B3GALT1: variants seen among roughly 807,000 people sequenced by gnomAD.
B3GALT1 encodes UDP-Gal:betaGlcNAc beta 1,3-galactosyltransferase, polypeptide 1.
In B3GALT1, 10 loss-of-function variants were observed where a neutral mutation model predicts 23.2. The observed-to-expected ratio is 0.43, with a 90% CI of 0.27 to 0.73. B3GALT1 has a LOEUF of 0.73. Among genes scored for constraint, B3GALT1 ranks in the 30% least tolerant of loss-of-function variants. The probability of loss-of-function intolerance (pLI) is 0.21; values close to 1 mark genes in which losing one functional copy is unlikely to be tolerated. For synonymous variants in B3GALT1, 156 were observed against 141.5 expected (o/e 1.10, Z -0.73); for missense variants, 299 against 405.4 (o/e 0.74, Z 2.25).
chr2:167,450,639 C>G (rs1029091926), intron 1 of B3GALT1, among the ~76,000 whole-genome samples: 2 of 152,166 alleles, frequency 1.3e-5, no homozygotes, highest in Admixed American at 6.5e-5. Flanking sequence ...TTTCCTTCAT[C>G]TTGTCTTTAG....
At chr2:167,727,182 G>A (rs1380594159) in intron 3 of B3GALT1, among the ~76,000 whole-genome samples, 1 of 152,070 alleles carries the variant, frequency 6.6e-6, no homozygotes, top group Non-Finnish European at 1.5e-5. Context: ...GCAAATGATG[G>A]ATTTAACCTT....
intron 3 of B3GALT1, among the ~76,000 whole-genome samples, chr2:167,781,227 G>C (rs954209517): frequency 6.6e-6 from 1 of 152,108 alleles, no homozygotes. Context: ...AATACTCAGA[G>C]TTCTTTAATA....
intron 4 of B3GALT1, among the ~76,000 whole-genome samples, chr2:167,853,276 A>C (rs975588218): frequency 1.3e-5 from 2 of 152,120 alleles, no homozygotes; most frequent in African/African-American, 4.8e-5. Context: ...ATAATTTAAC[A>C]CCTTTGTGTC....
intron 2 of B3GALT1, among the ~76,000 whole-genome samples, chr2:167,602,264 G>C (rs571890716): frequency 6.6e-6 from 1 of 152,178 alleles, no homozygotes; most frequent in African/African-American, 2.4e-5. Flanking sequence ...AGTGTACAGA[G>C]AGCTGCAGCT....
chr2:167,572,065 G>T (rs1316466044), intron 2 of B3GALT1, among the ~76,000 whole-genome samples: 5 of 151,456 alleles, frequency 3.3e-5, no homozygotes, highest in Non-Finnish European at 7.4e-5. Context: ...TCTAAGTCTT[G>T]GCCAACATCA....
In B3GALT1 at chr2:167,629,119, T is replaced by C. The variant is rs1037813457; in HGVS notation, c.-409-17790T>C. On this transcript the variant is annotated intron_variant, in intron 2 of 4. Transcript: ENST00000392690. Reference sequence around the variant, plus strand: ...TGGAGCAGAGGTATGTAATGATTCCTTAGACAGGCAAAATGGCTTTTCAGA... The same window carrying C: ...TGGAGCAGAGGTATGTAATGATTCCCTAGACAGGCAAAATGGCTTTTCAGA... 4.0e-5 allele frequency among the ~76,000 whole-genome samples: 6 copies of C among 151,616 alleles called. No homozygotes were observed. In the Admixed American group the frequency reaches 4.0e-4, roughly 10 times the overall value.
chr2:167,806,398 C>T (rs4667979), intron 3 of B3GALT1, among the ~76,000 whole-genome samples: 16,353 of 152,104 alleles, frequency 0.11, 1,951 homozygotes, highest in East Asian at 0.3. Context: ...GGCATCCCTG[C>T]CTTGTGCCAG....
At chr2:167,812,845 A>C (rs1038875742) in intron 3 of B3GALT1, among the ~76,000 whole-genome samples, 1 of 152,104 alleles carries the variant, frequency 6.6e-6, no homozygotes, top group Admixed American at 6.6e-5. Flanking sequence ...AGAAACAGTA[A>C]CTGGGTTTAT....
intron 1 of B3GALT1, among the ~76,000 whole-genome samples, chr2:167,385,599 A>G (rs1240598374): frequency 6.6e-6 from 1 of 152,216 alleles, no homozygotes; most frequent in Non-Finnish European, 1.5e-5. Flanking sequence ...GCTTTCACTA[A>G]TAACTTGCTG....
chr2:167,755,407 C>T (rs1360489126), intron 3 of B3GALT1, among the ~76,000 whole-genome samples: 2 of 151,012 alleles, frequency 1.3e-5, no homozygotes, highest in African/African-American at 4.9e-5. Context: ...CCCAGGGCCT[C>T]CTATACTCTT....
In B3GALT1 at chr2:167,682,415, G is replaced by A. The variant is rs115202915; in HGVS notation, c.-352+35449G>A. ...CCATGTTATCACAATGGTCCCATTT[G>A]CATTGCAAAGTTAAAATGCTCTGCC... On this transcript the variant is annotated intron_variant, in intron 3 of 4. Coordinates refer to ENST00000392690, the MANE Select transcript of B3GALT1 (RefSeq NM_020981.4). 9.0e-3 allele frequency among the ~76,000 whole-genome samples: 1,367 copies of A among 152,226 alleles called. 11 individuals are homozygous for A. The highest frequency in any genetic ancestry group is 0.027 in the Middle Eastern group (8 of 294).
chr2:167,565,551 A>T (rs1357194926), intron 2 of B3GALT1, among the ~76,000 whole-genome samples: 5 of 152,246 alleles, frequency 3.3e-5, no homozygotes, highest in Non-Finnish European at 5.9e-5. Flanking sequence ...AAAAGAAACT[A>T]CCATCAGAGT....
chr2:167,473,025 A>G (rs1292708213), intron 1 of B3GALT1, among the ~76,000 whole-genome samples: 2 of 152,162 alleles, frequency 1.3e-5, no homozygotes, highest in African/African-American at 4.8e-5. Context: ...TATATAATTA[A>G]GAAATCTGTA....
intron 3 of B3GALT1, among the ~76,000 whole-genome samples, chr2:167,727,914 T>A (rs149258398): frequency 0.21 from 31,578 of 152,204 alleles, 3,696 homozygotes; most frequent in East Asian, 0.31. Flanking sequence ...TAGAAGCTTT[T>A]GATACATTGG....
chr2:167,491,483 C>CTTTTTT (rs35378344), intron 2 of B3GALT1, among the ~76,000 whole-genome samples: 5 of 122,022 alleles, frequency 4.1e-5, no homozygotes, highest in Admixed American at 1.7e-4. Context: ...TTTACTTTTG[C>CTTTTTT]TTTTTTTTTT....
chr2:167,334,321 T>G (rs1373901506), intron 1 of B3GALT1, among the ~76,000 whole-genome samples: 3 of 152,182 alleles, frequency 2.0e-5, no homozygotes, highest in Non-Finnish European at 4.4e-5. Context: ...GAGGAATAAG[T>G]TGGAAAGTAA....
At chr2:167,312,468 A>G (rs1696646621) in intron 1 of B3GALT1, among the ~76,000 whole-genome samples, 1 of 152,022 alleles carries the variant, frequency 6.6e-6, no homozygotes, top group Admixed American at 6.6e-5. Context: ...AGTGTATAAA[A>G]ATAGACAAGA....
At chr2:167,444,783 G>A (rs1219505130) in intron 1 of B3GALT1, among the ~76,000 whole-genome samples, 1 of 152,018 alleles carries the variant, frequency 6.6e-6, no homozygotes, top group Non-Finnish European at 1.5e-5. Context: ...CTTGCTAGCG[G>A]TCTATAATTT....
At chr2:167,500,105 A>G (rs1259622463) in intron 2 of B3GALT1, among the ~76,000 whole-genome samples, 1 of 152,084 alleles carries the variant, frequency 6.6e-6, no homozygotes, top group African/African-American at 2.4e-5. Flanking sequence ...AAAAACATCC[A>G]GTTAATGTCA....
Sources: allele counts gnomAD v4.1 joint callset (sites outside exome capture counted in the v4.1 genomes callset), GRCh38; gene constraint gnomAD v4.1.1; transcripts MANE v1.5; gene names NCBI Gene and HGNC (gene_info 2026-07-23, HGNC 2026-07-21).